SCN11A: variants seen among roughly 807,000 people sequenced by gnomAD.
The protein encoded by SCN11A is sodium channel protein type 11 subunit alpha.
A neutral mutation model predicts 162.2 loss-of-function variants in SCN11A; 122 were observed. That is an observed-to-expected ratio of 0.75 (90% CI 0.65 to 0.87). The LOEUF (loss-of-function observed/expected upper bound fraction) is 0.87. Ranked by LOEUF, SCN11A falls within the 40% of genes least tolerant of loss-of-function variation. The pLI is 0.00. For missense variants in SCN11A, 2,015 were observed against 2,181.6 expected (o/e 0.92, Z 1.52); for synonymous variants, 758 against 751.5 (o/e 1.01, Z -0.14).
intron 2 of SCN11A, among the ~76,000 whole-genome samples, chr3:39,019,996 T>C (rs2031403727): frequency 6.6e-6 from 1 of 152,222 alleles, no homozygotes; most frequent in Admixed American, 6.5e-5. Context: ...TGGTTAATAG[T>C]TTGAATGCTT....
chr3:38,985,634 G>A lies in SCN11A; in HGVS notation c.-279-25211C>T, dbSNP rs538299491. On this transcript the variant is annotated intron_variant, in intron 2 of 29. Coordinates refer to ENST00000302328, the MANE Select transcript of SCN11A (RefSeq NM_001349253.2). ...AATTTGCTGATGTGGATTGTGAGGG[G>A]AAGAGTATAATCAAGGCTGAGTCTT... is the stretch of plus-strand genomic sequence containing the variant. 2.6e-5 allele frequency among the ~76,000 whole-genome samples: 4 copies of A among 151,124 alleles called. No homozygotes were observed. The East Asian group carries it at 7.7e-4, about 29-fold the overall frequency.
intron 9 of SCN11A, among the ~76,000 whole-genome samples, chr3:38,923,656 C>A (rs2066089068): frequency 6.6e-6 from 1 of 152,176 alleles, no homozygotes; most frequent in African/African-American, 2.4e-5. Context: ...AACTCCACTA[C>A]CACTACCTGA....
chr3:38,911,324 T>C (rs2065884987), intron 11 of SCN11A, among the ~76,000 whole-genome samples: 1 of 152,218 alleles, frequency 6.6e-6, no homozygotes, highest in Non-Finnish European at 1.5e-5. Context: ...TGGAAGTTTT[T>C]CCTTAGCAAT....
intron 3 of SCN11A, among the ~76,000 whole-genome samples, chr3:38,958,707 A>G (rs1205295685): frequency 6.6e-6 from 1 of 152,164 alleles, no homozygotes; most frequent in Admixed American, 6.5e-5. Context: ...CTGTATAACA[A>G]TTTTAAATGG....
At chr3:38,887,061 T>C (rs1431739400) in intron 19 of SCN11A, among the ~76,000 whole-genome samples, 2 of 152,180 alleles carry the variant, frequency 1.3e-5, no homozygotes, top group Admixed American at 6.5e-5. Flanking sequence ...CCATACTATA[T>C]TCCCATACCT....
At chr3:38,987,451 G>GTC (rs1318023647) in intron 2 of SCN11A, among the ~76,000 whole-genome samples, 1 of 152,134 alleles carries the variant, frequency 6.6e-6, no homozygotes, top group Non-Finnish European at 1.5e-5. Flanking sequence ...GGACAGGGCT[G>GTC]TCTCTCTCTC....
chr3:38,878,514 C>A (rs1248542434), intron 23 of SCN11A, among the ~76,000 whole-genome samples: 2 of 152,032 alleles, frequency 1.3e-5, no homozygotes, highest in African/African-American at 4.8e-5. Context: ...CATCTGTTCA[C>A]ACAGTTTTTA....
chr3:38,858,538 A>C (rs1219884271), intron 28 of SCN11A, among the ~76,000 whole-genome samples: 3 of 152,160 alleles, frequency 2.0e-5, no homozygotes. Context: ...ATTAGACCTA[A>C]GTAATGAGGC....
chr3:38,995,799 G>GTCTATCTATCTATCTATGTGTCTATCTA (rs2030610051), intron 2 of SCN11A, among the ~76,000 whole-genome samples: 2 of 131,380 alleles, frequency 1.5e-5, no homozygotes, highest in Non-Finnish European at 3.3e-5. Context: ...ACAATAAATT[G>GTCTATCTATCTATCTATGTGTCTATCTA]TCTATCTATC....
At chr3:38,903,069 G>A (rs1200270120) in intron 16 of SCN11A, among the ~76,000 whole-genome samples, 1 of 151,854 alleles carries the variant, frequency 6.6e-6, no homozygotes, top group Non-Finnish European at 1.5e-5. Flanking sequence ...AAATAAAACA[G>A]CATTTATTAT....
At chr3:39,041,743 T>C (rs1418829439) in intron 1 of SCN11A, among the ~76,000 whole-genome samples, 2 of 151,832 alleles carry the variant, frequency 1.3e-5, no homozygotes, top group Non-Finnish European at 2.9e-5. Flanking sequence ...ACCACCATCA[T>C]GAAAACACAA....
chr3:38,893,998 T>G (rs1307444813), intron 19 of SCN11A, among the ~76,000 whole-genome samples: 2 of 152,120 alleles, frequency 1.3e-5, no homozygotes. Context: ...AAATTTCTCT[T>G]GTTTAGAAGT....
chr3:38,866,987 C>A (rs1317207583), intron 27 of SCN11A, among the ~76,000 whole-genome samples: 2 of 152,074 alleles, frequency 1.3e-5, no homozygotes, highest in East Asian at 3.9e-4. Flanking sequence ...TAAAATATGA[C>A]CCTAGTGTCA....
At chr3:38,874,642 C>A (rs904502226) in intron 23 of SCN11A, among the ~76,000 whole-genome samples, 1 of 152,130 alleles carries the variant, frequency 6.6e-6, no homozygotes, top group African/African-American at 2.4e-5. Context: ...TTAATATGCA[C>A]TTCTGTGCTA....
At chr3:38,887,632 C>T (rs1375468583) in intron 19 of SCN11A, among the ~76,000 whole-genome samples, 1 of 152,186 alleles carries the variant, frequency 6.6e-6, no homozygotes, top group African/African-American at 2.4e-5. Context: ...TAAAAACCCC[C>T]GCATTCCTTC....
At chr3:38,983,181 G>A (rs113664752) in intron 2 of SCN11A, among the ~76,000 whole-genome samples, 1,826 of 152,224 alleles carry the variant, frequency 0.012, 36 homozygotes, top group African/African-American at 0.041. Flanking sequence ...TTCCTGCTGC[G>A]TGTGGGTTTG....
At chr3:38,987,278 TTC>T (rs10546388) in intron 2 of SCN11A, among the ~76,000 whole-genome samples, 3,090 of 118,996 alleles carry the variant, frequency 0.026, 59 homozygotes, top group Non-Finnish European at 0.036. Context: ...CCCAGTGCCT[TTC>T]TCTCTCTCTC....
intron 17 of SCN11A, among the ~76,000 whole-genome samples, chr3:38,899,113 A>G (rs771704165): frequency 6.6e-6 from 1 of 152,148 alleles, no homozygotes; most frequent in Non-Finnish European, 1.5e-5. Flanking sequence ...TATCTGAAAA[A>G]AAAAGGTAAA....
In SCN11A at chr3:38,909,181, GTAGT is replaced by G. The variant is rs779375851; in HGVS notation, c.1111_1114del (p.Thr371LeufsTer20). 2 of 1,614,040 alleles carry G rather than the reference GTAGT, an allele frequency of 1.2e-6. No individual in the cohort carries two copies. The highest frequency in any genetic ancestry group is 1.7e-6 in the Non-Finnish European group (2 of 1,179,922). On this transcript the variant is annotated frameshift_variant, in exon 13 of 30. Transcript: ENST00000302328. LOFTEE classifies it high-confidence loss of function. ...GAAGAAGAAGACTGAGTAGAGCCCA[GTAGT>G]ACGCAGGGTCTGCAAAGGACAGAGC...
Sources: allele counts gnomAD v4.1 joint callset (sites outside exome capture counted in the v4.1 genomes callset), GRCh38; gene constraint gnomAD v4.1.1; transcripts MANE v1.5; gene names NCBI Gene and HGNC (gene_info 2026-07-23, HGNC 2026-07-21).